Variants in PAX6 observed in about 807,000 individuals in gnomAD.
PAX6 encodes paired box 6, also known as paired box protein Pax-6.
A neutral mutation model predicts 60.7 loss-of-function variants in PAX6; 7 were observed. The observed-to-expected ratio is 0.12, with a 90% CI of 0.07 to 0.22. The LOEUF is 0.22. Ranked by LOEUF, PAX6 falls within the 10% of genes least tolerant of loss-of-function variation. The pLI, the probability that PAX6 is intolerant of heterozygous loss-of-function variation, is 1.00. For missense variants in PAX6, 355 were observed against 555.2 expected (o/e 0.64, Z 3.62); for synonymous variants, 208 against 201.2 (o/e 1.03, Z -0.29).
At chr11:31,795,212 A>G (rs1951145504) in intron 8 of PAX6, among the ~76,000 whole-genome samples, 1 of 152,258 alleles carries the variant, frequency 6.6e-6, no homozygotes, top group Admixed American at 6.5e-5. Flanking sequence ...CTAATCAATT[A>G]GATGTTGATA....
chr11:31,801,734 C>G lies in PAX6; in HGVS notation c.226G>C (p.Glu76Gln). Residue 76 changes from glutamate (E) to glutamine (Q), a missense_variant, in exon 7 of 14, where the codon GAG (glutamate) becomes CAG (glutamine). By Grantham distance (29) the Glu-to-Gln change is conservative. Transcript: ENST00000640368. ...CVSKILGRYY[E>Q]TGSIRPRAIG... The stretch of plus-strand genomic sequence containing the variant: ...GCCCTGGGTCTGATGGAGCCAGTCT[C>G]GTAATACCTGCCCAGAATTTTACTC... 6.2e-7 allele frequency: 1 copy of G among 1,614,168 alleles called. No individual in the cohort carries two copies.
In PAX6 at chr11:31,789,829, A is replaced by G. The variant is rs765087371; in HGVS notation, c.*105T>C. The G allele has an allele frequency of 9.7e-7, 1 of 1,034,654 alleles. No individual in the cohort carries two copies. Among genetic ancestry groups the G allele is most frequent in the Non-Finnish European group, 1.5e-6 (1 of 676,576 alleles). The allele number at this position is 1,034,654 out of a possible 1,614,324, so 64.1% of individuals were successfully genotyped here. ...ACAATTGTAGAACTGAAGCGGCTCTAACAGCCATTTTTCTTTCTTTCCTGA... is the reference window on the plus strand; with the variant it reads ...ACAATTGTAGAACTGAAGCGGCTCTGACAGCCATTTTTCTTTCTTTCCTGA... On this transcript the variant is annotated 3_prime_UTR_variant, in exon 14 of 14. Coordinates refer to ENST00000640368, the MANE Select transcript of PAX6 (RefSeq NM_001368894.2).
At chr11:31,806,079 G>A (rs3026363) in intron 4 of PAX6, 3 of 418,936 alleles carry the variant, frequency 7.2e-6, no homozygotes, top group African/African-American at 2.1e-5. Flanking sequence ...CCTCTCTCCG[G>A]GGTCAGAGCC....
Position 31,789,347 on chromosome 11 carries a change from T to G in PAX6, c.*587A>C. 3.7e-6 allele frequency: 1 copy of G among 268,834 alleles called. No individual in the cohort carries two copies. The highest frequency in any genetic ancestry group is 1.4e-4 in the South Asian group (1 of 7,350). 16.7% of individuals were successfully genotyped at this position (268,834 alleles called of 1,614,324 possible). A position where few individuals can be genotyped will look rare whatever the true frequency, so the allele number is the denominator to read the frequency against. On this transcript the variant is annotated 3_prime_UTR_variant, in exon 14 of 14. Transcript: ENST00000640368. ...ACTTTTTTTCTTCCTTGAATTTATA[T>G]CTTACCCTTTTTTGCACATAAACTT...
At chr11:31,794,214 C>T in intron 9 of PAX6, 100 bp from the exon 10 acceptor site, 2 of 823,684 alleles carry the variant, frequency 2.4e-6, no homozygotes, top group Non-Finnish European at 4.3e-6. Context: ...ACTCCCATTA[C>T]CTCCAACCAA....
chr11:31,817,441 A>G (rs1957432039), intron 1 of PAX6, among the ~76,000 whole-genome samples: 1 of 152,206 alleles, frequency 6.6e-6, no homozygotes, highest in Non-Finnish European at 1.5e-5. Context: ...GATGCAGAGG[A>G]GGTCTGGATG....
chr11:31,799,067 G>A (rs887342161), intron 8 of PAX6, among the ~76,000 whole-genome samples: 1 of 152,252 alleles, frequency 6.6e-6, no homozygotes, highest in Non-Finnish European at 1.5e-5. Flanking sequence ...GGATCACCAG[G>A]ACCTCAGATT....
At chr11:31,801,836 T>G in intron 6 of PAX6, 35 bp downstream of exon 6, 1 of 1,614,094 alleles carries the variant, frequency 6.2e-7, no homozygotes, top group Non-Finnish European at 8.5e-7. Flanking sequence ...AAAAATAAAA[T>G]TGTTTAAGTA....
intron 4 of PAX6, chr11:31,803,612 C>T (rs912122412): frequency 6.6e-6 from 1 of 152,350 alleles, no homozygotes; most frequent in African/African-American, 2.4e-5. Flanking sequence ...AGTCAGAGCC[C>T]GGGCTCGGCT....
At chr11:31,790,482 T>C (rs1231720953) in intron 13 of PAX6, 1 of 985,270 alleles carries the variant, frequency 1.0e-6, no homozygotes, top group Non-Finnish European at 1.2e-6. Flanking sequence ...CTTGTCTTCA[T>C]ACACAACTTT....
intron 7 of PAX6, chr11:31,801,327 C>T: frequency 7.0e-7 from 1 of 1,434,072 alleles, no homozygotes; most frequent in East Asian, 2.5e-5. Flanking sequence ...CCTCCGCCCT[C>T]TGTTTTGCAG....
Position 31,794,764 on chromosome 11 carries a change from C to T in PAX6, c.590G>A (p.Gly197Glu). 6.2e-7 allele frequency: 1 copy of T among 1,614,112 alleles called. No homozygotes were observed. The highest frequency in any genetic ancestry group is 8.5e-7 in the Non-Finnish European group (1 of 1,180,002). The change falls in exon 9 of 14, where the codon GGG becomes GAG. Residue 197 changes from glycine to glutamate, a missense_variant. Around this residue, in one of 5 missense-constraint regions of PAX6, gnomAD observed 143 missense variants for 183.6 expected, o/e 0.78. Coordinates refer to ENST00000640368, the MANE Select transcript of PAX6 (RefSeq NM_001368894.2). ...TQDGCQQQEG[G>E]GENTNSISSN... ...ACTGATGGAGTTGGTATTCTCTCCC[C>T]CTCCTTCCTGTTGCTGGCAGCCATC...
At chr11:31,816,549 G>C (rs1046758086) in intron 1 of PAX6, 4 of 702,648 alleles carry the variant, frequency 5.7e-6, no homozygotes, top group Non-Finnish European at 7.8e-6. Context: ...ATGACTGGAG[G>C]AGAAGGTCCA....
intron 13 of PAX6, chr11:31,790,472 C>A: frequency 7.3e-7 from 1 of 1,378,966 alleles, no homozygotes; most frequent in Non-Finnish European, 9.4e-7. Context: ...AGTCTCAGGC[C>A]TTGTCTTCAT....
At chr11:31,798,959 G>A (rs775046344) in intron 8 of PAX6, among the ~76,000 whole-genome samples, 12 of 152,248 alleles carry the variant, frequency 7.9e-5, no homozygotes, top group Non-Finnish European at 1.6e-4. Context: ...GCCCGGAGTG[G>A]AGGCTCTGGG....
chr11:31,796,471 G>A (rs1359781819), intron 8 of PAX6, among the ~76,000 whole-genome samples: 7 of 151,074 alleles, frequency 4.6e-5, no homozygotes, highest in Non-Finnish European at 8.9e-5. Context: ...GCTTGGCTGG[G>A]GGGATGGAGG....
upstream of PAX6, among the ~76,000 whole-genome samples, chr11:31,813,779 C>G (rs1957244173): frequency 6.6e-6 from 1 of 152,038 alleles, no homozygotes; most frequent in Non-Finnish European, 1.5e-5. Context: ...CAGAATGAGG[C>G]CGAGTTTTCA....
chr11:31,797,673 G>T (rs559005643), intron 8 of PAX6, among the ~76,000 whole-genome samples: 1 of 152,298 alleles, frequency 6.6e-6, no homozygotes, highest in Admixed American at 6.5e-5. Flanking sequence ...TGACCTAGCG[G>T]CTGCTCTTAC....
At chr11:31,805,669 G>C (rs1430572282) in intron 4 of PAX6, 1 of 152,792 alleles carries the variant, frequency 6.5e-6, no homozygotes, top group Non-Finnish European at 1.5e-5. Flanking sequence ...GGGACCCCAC[G>C]GGGTCTGGGC....
Sources: allele counts gnomAD v4.1 joint callset (sites outside exome capture counted in the v4.1 genomes callset), GRCh38; gene constraint gnomAD v4.1.1; regional missense constraint gnomAD v4.1.1; transcripts MANE v1.5; gene names NCBI Gene and HGNC (gene_info 2026-07-23, HGNC 2026-07-21).